The following CHD9 variants were observed in gnomAD, a reference collection of about 807,000 sequenced individuals.
CHD9 encodes the protein ATP-dependent chromatin remodeler CHD9.
CHD9 carries 77 observed loss-of-function variants against 316.1 expected under a neutral mutation model. That is an observed-to-expected ratio of 0.24 (90% confidence interval 0.20 to 0.29). The LOEUF is 0.29. Among genes scored for constraint, CHD9 ranks in the 10% least tolerant of loss-of-function variants. The pLI, the probability that CHD9 is intolerant of heterozygous loss-of-function variation, is 1.00. For missense variants in CHD9, 2,763 were observed against 3,438.1 expected, an observed-to-expected ratio of 0.80 and a Z score of 4.91; for synonymous variants, 1,129 against 1,158.3, an observed-to-expected ratio of 0.97 and a Z score of 0.51.
At chr16:53,290,812 T>A (rs2054271198) in intron 27 of CHD9, among the ~76,000 whole-genome samples, 2 of 151,922 alleles carry the variant, frequency 1.3e-5, no homozygotes, top group South Asian at 4.1e-4. Context: ...GGCAATAAAT[T>A]TGGAGCAAAG....
intron 2 of CHD9, among the ~76,000 whole-genome samples, chr16:53,195,624 C>T (rs1000989342): frequency 2.0e-5 from 3 of 151,940 alleles, no homozygotes; most frequent in Non-Finnish European, 2.9e-5. Flanking sequence ...TCAAGGCCAG[C>T]AGGAGAGTAT....
chr16:53,109,810 G>C (rs1249046442), intron 1 of CHD9, among the ~76,000 whole-genome samples: 2 of 142,370 alleles, frequency 1.4e-5, no homozygotes, highest in East Asian at 4.5e-4. Context: ...TCAGCCTCCC[G>C]AGTAGCTGGG....
chr16:53,057,627 C>T (rs1382841564), intron 1 of CHD9, among the ~76,000 whole-genome samples: 2 of 151,116 alleles, frequency 1.3e-5, no homozygotes, highest in African/African-American at 4.9e-5. Context: ...GTACTCCAGC[C>T]TGGGCAACAA....
At chr16:53,248,524 TTG>T (rs750391717) in intron 16 of CHD9, among the ~76,000 whole-genome samples, 7 of 78,132 alleles carry the variant, frequency 9.0e-5, no homozygotes, top group East Asian at 6.7e-4. Context: ...GTTTTTTTTT[TTG>T]TTTTTTTTTT....
chr16:53,144,881 A>T (rs992524388), intron 1 of CHD9, among the ~76,000 whole-genome samples: 50 of 151,472 alleles, frequency 3.3e-4, no homozygotes, highest in African/African-American at 1.2e-3. Flanking sequence ...AGTCTCAGCT[A>T]CTCAGGAGGC....
In CHD9 at chr16:53,117,407, A is replaced by AATATAT. The variant is rs35017419; in HGVS notation, c.-164-38504_-164-38499dup. On this transcript the variant is annotated intron_variant, in intron 1 of 38. Coordinates refer to ENST00000447540, the MANE Select transcript of CHD9 (RefSeq NM_001308319.2). ...CCACAGACATTCAGTTCTCTGACGTAATATATATATATATATATATTTTTG... is the reference window on the plus strand; with the variant it reads ...CCACAGACATTCAGTTCTCTGACGTAATATATATATATATATATATATATATTTTTG... Among the ~76,000 whole-genome samples, 507 of 148,630 alleles carry AATATAT rather than the reference A, an allele frequency of 3.4e-3. 6 individuals carry two copies. Among genetic ancestry groups the AATATAT allele is most frequent in the African/African-American group, 0.011 (453 of 40,334 alleles).
intron 1 of CHD9, among the ~76,000 whole-genome samples, chr16:53,082,602 G>A (rs2035126317): frequency 6.6e-6 from 1 of 152,184 alleles, no homozygotes; most frequent in Non-Finnish European, 1.5e-5. Context: ...AAGGTTCTCA[G>A]CCTCAGCTTA....
At chr16:53,240,218 T>C (rs914905239) in intron 12 of CHD9, among the ~76,000 whole-genome samples, 6 of 152,208 alleles carry the variant, frequency 3.9e-5, no homozygotes, top group African/African-American at 1.4e-4. Context: ...AGTGTTTCAT[T>C]ATTCTTACTC....
At chr16:53,244,394 G>A (rs1457020123) in intron 13 of CHD9, among the ~76,000 whole-genome samples, 4 of 151,744 alleles carry the variant, frequency 2.6e-5, no homozygotes, top group African/African-American at 7.3e-5. Context: ...GGGTTTCTCC[G>A]TGTTACCCAG....
At chr16:53,292,692 A>T in intron 28 of CHD9, 141 bp from the exon 29 acceptor site, 1 of 664,544 alleles carries the variant, frequency 1.5e-6, no homozygotes, top group Non-Finnish European at 2.6e-6. Context: ...AGCTATTGTT[A>T]AAAGAAGCTT....
At chr16:53,267,256 T>C (rs143630383) in intron 20 of CHD9, 38 bp from the exon 21 acceptor site, 1 of 1,420,706 alleles carries the variant, frequency 7.0e-7, no homozygotes, top group African/African-American at 1.4e-5. Context: ...AGCAAAATCA[T>C]AAAAGTACCT....
At chr16:53,219,841 A>G (rs964009540) in intron 3 of CHD9, among the ~76,000 whole-genome samples, 2 of 152,222 alleles carry the variant, frequency 1.3e-5, no homozygotes, top group Non-Finnish European at 2.9e-5. Flanking sequence ...TTGTATGAAC[A>G]TCAAGTGAGA....
intron 2 of CHD9, among the ~76,000 whole-genome samples, chr16:53,171,578 T>C (rs1440595769): frequency 6.6e-6 from 1 of 151,766 alleles, no homozygotes; most frequent in Non-Finnish European, 1.5e-5. Flanking sequence ...GACCAGACGC[T>C]GTGGCTCATG....
chr16:53,163,588 A>G (rs1195244324), intron 2 of CHD9, among the ~76,000 whole-genome samples: 1 of 152,178 alleles, frequency 6.6e-6, no homozygotes, highest in Non-Finnish European at 1.5e-5. Context: ...TAACCTTCCA[A>G]TGAATATGAT....
intron 1 of CHD9, among the ~76,000 whole-genome samples, chr16:53,106,657 TACACAC>T (rs10538483): frequency 3.3e-5 from 5 of 150,600 alleles, no homozygotes; most frequent in African/African-American, 1.2e-4. Context: ...CACACATACA[TACACAC>T]ACACACACAC....
intron 2 of CHD9, among the ~76,000 whole-genome samples, chr16:53,170,960 A>T (rs2042670003): frequency 6.6e-6 from 1 of 152,194 alleles, no homozygotes; most frequent in African/African-American, 2.4e-5. Flanking sequence ...ATGCATAACA[A>T]AAGGTAGTCC....
intron 12 of CHD9, among the ~76,000 whole-genome samples, chr16:53,242,583 A>G (rs1173863223): frequency 2.0e-5 from 3 of 152,196 alleles, no homozygotes; most frequent in Admixed American, 6.5e-5. Flanking sequence ...TTATCATACA[A>G]CATTTTACCA....
At chr16:53,140,274 T>C (rs1344713600) in intron 1 of CHD9, among the ~76,000 whole-genome samples, 2 of 152,018 alleles carry the variant, frequency 1.3e-5, no homozygotes, top group South Asian at 4.1e-4. Context: ...CTGGCCAACA[T>C]GGCAAAACCC....
intron 1 of CHD9, among the ~76,000 whole-genome samples, chr16:53,063,358 TCACACACACACACACACACACA>T (rs67988137): frequency 7.3e-6 from 1 of 137,038 alleles, no homozygotes; most frequent in Non-Finnish European, 1.6e-5. Context: ...CTCATAAATT[TCACACACACACACACACACACA>T]CACACACACA....
Sources: allele counts gnomAD v4.1 joint callset (sites outside exome capture counted in the v4.1 genomes callset), GRCh38; gene constraint gnomAD v4.1.1; transcripts MANE v1.5; gene names NCBI Gene and HGNC (gene_info 2026-07-23, HGNC 2026-07-21).